NOVA1: variants seen among roughly 807,000 people sequenced by gnomAD.
NOVA1 encodes RNA-binding protein Nova-1.
Under a neutral mutation model 38.0 loss-of-function variants are expected in NOVA1, and 7 were observed. That is an observed-to-expected ratio of 0.18 (90% CI 0.10 to 0.35). The LOEUF is 0.35. Ranked by LOEUF, NOVA1 falls within the 10% of genes least tolerant of loss-of-function variation. NOVA1 has a pLI of 1.00. For missense variants in NOVA1, 460 were observed against 616.0 expected (o/e 0.75, Z 2.68); for synonymous variants, 270 against 232.5 (o/e 1.16, Z -1.47).
intron 2 of NOVA1, among the ~76,000 whole-genome samples, chr14:26,562,463 C>A (rs1193396697): frequency 6.6e-6 from 1 of 152,094 alleles, no homozygotes; most frequent in Non-Finnish European, 1.5e-5. Flanking sequence ...GATGAGCACA[C>A]ATATTAAACT....
chr14:26,580,681 AC>A (rs1286069138), intron 2 of NOVA1, among the ~76,000 whole-genome samples: 1 of 152,012 alleles, frequency 6.6e-6, no homozygotes, highest in Non-Finnish European at 1.5e-5. Flanking sequence ...ACCACTAAAA[AC>A]AATAACTGCT....
chr14:26,477,325 T>C (rs879084441), intron 3 of NOVA1, among the ~76,000 whole-genome samples: 1 of 152,164 alleles, frequency 6.6e-6, no homozygotes, highest in Admixed American at 6.5e-5. Flanking sequence ...GAGAATTCTT[T>C]AAATGTCCAT....
chr14:26,587,295 G>C (rs1594586929), intron 2 of NOVA1, among the ~76,000 whole-genome samples: 3 of 115,572 alleles, frequency 2.6e-5, no homozygotes, highest in African/African-American at 8.2e-5. Context: ...CTTTAACAGG[G>C]ATCTAAAATA....
At chr14:26,490,636 T>C (rs1325561491) in intron 2 of NOVA1, among the ~76,000 whole-genome samples, 1 of 152,164 alleles carries the variant, frequency 6.6e-6, no homozygotes, top group Non-Finnish European at 1.5e-5. Context: ...TATATTTTCT[T>C]TAGAGAAATA....
At chr14:26,523,880 A>AGCTGGGACTACAGGCGCCC (rs1445993296) in intron 2 of NOVA1, among the ~76,000 whole-genome samples, 3 of 151,212 alleles carry the variant, frequency 2.0e-5, no homozygotes, top group Non-Finnish European at 2.9e-5. Flanking sequence ...CCTCCTGAGT[A>AGCTGGGACTACAGGCGCCC]GCTGGGACTA....
At chr14:26,449,472 T>C (rs1882434388) in intron 4 of NOVA1, among the ~76,000 whole-genome samples, 1 of 152,160 alleles carries the variant, frequency 6.6e-6, no homozygotes, top group Admixed American at 6.5e-5. Context: ...ATGTTCCTTA[T>C]CACCCAGTAA....
chr14:26,546,974 G>A (rs967258821), intron 2 of NOVA1, among the ~76,000 whole-genome samples: 15 of 152,062 alleles, frequency 9.9e-5, no homozygotes, highest in Admixed American at 6.5e-5. Flanking sequence ...AGCCGAGATC[G>A]TGCCATTGCA....
At chr14:26,534,863 G>T (rs1186652213) in intron 2 of NOVA1, among the ~76,000 whole-genome samples, 1 of 152,110 alleles carries the variant, frequency 6.6e-6, no homozygotes, top group Non-Finnish European at 1.5e-5. Flanking sequence ...AGGATGGAGT[G>T]ATTCTTAAAA....
At chr14:26,517,008 C>T (rs949729444) in intron 2 of NOVA1, among the ~76,000 whole-genome samples, 34 of 150,410 alleles carry the variant, frequency 2.3e-4, no homozygotes, top group Admixed American at 6.7e-5. Flanking sequence ...CAGGTTCAAG[C>T]GATTCTCCTG....
intron 2 of NOVA1, among the ~76,000 whole-genome samples, chr14:26,512,517 CTG>C (rs1430399370): frequency 2.6e-5 from 4 of 152,114 alleles, no homozygotes; most frequent in Non-Finnish European, 5.9e-5. Context: ...ATTAAAACAT[CTG>C]TGACTTCAAT....
intron 2 of NOVA1, among the ~76,000 whole-genome samples, chr14:26,552,794 A>C (rs1891240844): frequency 6.6e-6 from 1 of 152,198 alleles, no homozygotes; most frequent in Admixed American, 6.5e-5. Context: ...ATACTATTTT[A>C]AATGTATTCA....
intron 2 of NOVA1, among the ~76,000 whole-genome samples, chr14:26,484,062 T>C (rs1431216225): frequency 1.3e-5 from 2 of 152,106 alleles, no homozygotes; most frequent in African/African-American, 2.4e-5. Flanking sequence ...TGCATCAAAA[T>C]ATTTCTGCAA....
chr14:26,540,569 T>G (rs1272137154), intron 2 of NOVA1, among the ~76,000 whole-genome samples: 2 of 152,226 alleles, frequency 1.3e-5, no homozygotes, highest in Non-Finnish European at 2.9e-5. Context: ...CAAACCAGCA[T>G]GTACTAGCAT....
intron 4 of NOVA1, among the ~76,000 whole-genome samples, chr14:26,471,450 ATT>A (rs1884585208): frequency 6.6e-6 from 1 of 151,174 alleles, no homozygotes; most frequent in African/African-American, 2.5e-5. Context: ...GCCTTTTATT[ATT>A]AAAAAAAGCA....
intron 2 of NOVA1, among the ~76,000 whole-genome samples, chr14:26,486,002 T>C (rs897534997): frequency 2.0e-5 from 3 of 152,176 alleles, no homozygotes; most frequent in Non-Finnish European, 2.9e-5. Flanking sequence ...AAAGCTGATA[T>C]TTAAAACAAC....
intron 4 of NOVA1, among the ~76,000 whole-genome samples, chr14:26,458,515 T>G (rs1475813994): frequency 6.6e-6 from 1 of 152,044 alleles, no homozygotes; most frequent in Non-Finnish European, 1.5e-5. Flanking sequence ...GGAAGAAAAT[T>G]ATGTCCATTG....
intron 2 of NOVA1, among the ~76,000 whole-genome samples, chr14:26,592,487 G>A (rs959076571): frequency 2.0e-5 from 3 of 151,182 alleles, no homozygotes; most frequent in East Asian, 1.9e-4. Flanking sequence ...AATGGATTAC[G>A]TAGTACAGCA....
chr14:26,548,194 C>A (rs1296330135), intron 2 of NOVA1, among the ~76,000 whole-genome samples: 1 of 151,986 alleles, frequency 6.6e-6, no homozygotes, highest in East Asian at 1.9e-4. Flanking sequence ...AGAATAAAGT[C>A]ACTTAAGCCC....
At chr14:26,585,810 C>CT (rs3054143) in intron 2 of NOVA1, among the ~76,000 whole-genome samples, 1 of 151,114 alleles carries the variant, frequency 6.6e-6, no homozygotes, top group African/African-American at 2.4e-5. Context: ...GCAAAATTCC[C>CT]GTCATACTCC....
Sources: allele counts gnomAD v4.1 joint callset (sites outside exome capture counted in the v4.1 genomes callset), GRCh38; gene constraint gnomAD v4.1.1; transcripts MANE v1.5; gene names NCBI Gene and HGNC (gene_info 2026-07-23, HGNC 2026-07-21).